SPG11: variants seen among roughly 807,000 people sequenced by gnomAD.
SPG11 encodes the protein spatacsin.
SPG11 carries 222 observed loss-of-function variants against 274.0 expected under a neutral mutation model. The ratio of observed to expected loss-of-function variants is 0.81; its 90% CI spans 0.73 to 0.91. SPG11 has a LOEUF of 0.91. Among genes scored for constraint, SPG11 ranks in the 40% least tolerant of loss-of-function variants. SPG11 has a pLI of 0.00. For missense variants in SPG11, 3,114 were observed against 2,872.7 expected, an observed-to-expected ratio of 1.08 and a Z score of -1.92; for synonymous variants, 1,144 against 1,039.7, an observed-to-expected ratio of 1.10 and a Z score of -1.93.
In SPG11 at chr15:44,651,696, G is replaced by A. The variant is rs769148135; in HGVS notation, c.1251C>T (p.His417=). ...CTATGGGTTCCTCTTGTTCACTGAT[G>A]TGCATTATTTTCCATGATCTTCCTG... ...SDPGRSWKIM[H]ISEQEEPIEL... Residue 417 remains histidine (H), a synonymous_variant, in exon 6 of 40, where the codon CAC becomes CAT. Transcript: ENST00000261866. 6.2e-7 allele frequency: 1 copy of A among 1,614,198 alleles called. No homozygotes were observed. Among genetic ancestry groups the A allele is most frequent in the Non-Finnish European group, 8.5e-7 (1 of 1,180,036 alleles).
At chr15:44,577,578 T>C (rs76452479) in intron 30 of SPG11, among the ~76,000 whole-genome samples, 2,978 of 151,168 alleles carry the variant, frequency 0.02, 110 homozygotes, top group African/African-American at 0.068. Flanking sequence ...ACTCAGACCA[T>C]GCTATTCCCC....
intron 7 of SPG11, among the ~76,000 whole-genome samples, chr15:44,643,980 G>C (rs12591118): frequency 3.9e-5 from 6 of 151,946 alleles, no homozygotes; most frequent in Admixed American, 3.9e-4. Context: ...TGGCTAACAC[G>C]GTGAAACCCT....
At chr15:44,639,314 G>A (rs1167568708) in intron 7 of SPG11, among the ~76,000 whole-genome samples, 1 of 151,370 alleles carries the variant, frequency 6.6e-6, no homozygotes, top group East Asian at 1.9e-4. Context: ...CACAGAGATG[G>A]AGAGACAGAG....
At chr15:44,576,467 T>C (rs1335473949) in intron 30 of SPG11, among the ~76,000 whole-genome samples, 1 of 151,648 alleles carries the variant, frequency 6.6e-6, no homozygotes, top group Non-Finnish European at 1.5e-5. Flanking sequence ...GCTAACACGG[T>C]GAAACCCCGT....
intron 4 of SPG11, 91 bp downstream of exon 4, chr15:44,657,004 T>C (rs544702572): frequency 1.9e-6 from 2 of 1,079,448 alleles, no homozygotes; most frequent in African/African-American, 1.6e-5. Context: ...AAAGAAACAC[T>C]AGTTAAAAAA....
At chr15:44,574,784 C>T in intron 31 of SPG11, 118 bp downstream of exon 31, 2 of 1,237,384 alleles carry the variant, frequency 1.6e-6, no homozygotes, top group Non-Finnish European at 2.4e-6. Context: ...CTGATAAGAG[C>T]TCTACTCCCA....
intron 8 of SPG11, among the ~76,000 whole-genome samples, chr15:44,632,112 A>C (rs76185363): frequency 2.0e-5 from 3 of 151,954 alleles, no homozygotes; most frequent in Admixed American, 6.6e-5. Flanking sequence ...CCTGGCCTAC[A>C]TTACTTCTTT....
intron 7 of SPG11, among the ~76,000 whole-genome samples, chr15:44,638,509 C>A (rs1016665211): frequency 6.8e-6 from 1 of 147,450 alleles, no homozygotes; most frequent in Admixed American, 6.7e-5. Context: ...AACCCCCCCC[C>A]CCAACACACA....
chr15:44,587,231 C>A (rs2082785406), intron 28 of SPG11, among the ~76,000 whole-genome samples: 1 of 152,158 alleles, frequency 6.6e-6, no homozygotes, highest in Admixed American at 6.5e-5. Flanking sequence ...CTCCCTTTCC[C>A]AAACAGTCTA....
chr15:44,656,133 G>C (rs1350320788), intron 4 of SPG11, among the ~76,000 whole-genome samples: 1 of 152,152 alleles, frequency 6.6e-6, no homozygotes, highest in Non-Finnish European at 1.5e-5. Flanking sequence ...GGAATAAAGA[G>C]ATTAATGGAG....
At position 44,615,362 on chromosome 15, in the gene SPG11, CTT is replaced by C; in HGVS notation, c.3037_3038del (p.Lys1013ThrfsTer2). 1 of 1,613,094 alleles carries C rather than the reference CTT, an allele frequency of 6.2e-7. No individual in the cohort carries two copies. Among genetic ancestry groups the C allele is most frequent in the Non-Finnish European group, 8.5e-7 (1 of 1,179,638 alleles). On this transcript the variant is annotated frameshift_variant and splice_region_variant, in exon 16 of 40. Coordinates refer to ENST00000261866, the MANE Select transcript of SPG11 (RefSeq NM_025137.4). LOFTEE classifies it high-confidence loss of function. ...HLLYVYLDCY[K>X]LSPENCPFLE... Reference sequence around the variant, plus strand: ...AGGACAAATGCATTCTCAGTACTCACTTGTAACAGTCAAGGTAGACATAAAGA... The same window carrying C: ...AGGACAAATGCATTCTCAGTACTCACGTAACAGTCAAGGTAGACATAAAGA...
Position 44,589,159 on chromosome 15 carries a change from T to C in SPG11, c.4906+93A>G, listed in dbSNP as rs565431938. On this transcript the variant is annotated intron_variant, in intron 28 of 39. Transcript: ENST00000261866. ...TTGTAGACTGTAAGTTAATGTTACA[T>C]GCATTTTAATTTCCTAACTACCCCT... 296 of 1,297,628 alleles carry C rather than the reference T, an allele frequency of 2.3e-4. 3 individuals carry two copies. The East Asian group carries it at 6.6e-3, about 29-fold the overall frequency. The allele number at this position is 1,297,628 out of a possible 1,614,324, so 80.4% of individuals were successfully genotyped here. A position where few individuals can be genotyped will look rare whatever the true frequency, so the allele number is the denominator to read the frequency against.
intron 7 of SPG11, among the ~76,000 whole-genome samples, chr15:44,636,953 A>C (rs1225811113): frequency 1.2e-4 from 16 of 128,162 alleles, no homozygotes; most frequent in East Asian, 6.3e-4. Flanking sequence ...AAAAAAAAAA[A>C]AAAACAAAAA....
In SPG11 at chr15:44,562,809, A is replaced by G; in HGVS notation, c.*312T>C. ...AAATTTCTTTGAAACTGGAATCTGC[A>G]GGTACAGGTATTCTTTAATCATTAT... On this transcript the variant is annotated 3_prime_UTR_variant, in exon 40 of 40. Transcript: ENST00000261866. The G allele has an allele frequency of 3.7e-6, 1 of 273,028 alleles. No homozygotes were observed. 16.9% of individuals were successfully genotyped at this position (273,028 alleles called of 1,614,324 possible). A position where few individuals can be genotyped will look rare whatever the true frequency, so the allele number is the denominator to read the frequency against.
At chr15:44,637,096 A>C (rs998960622) in intron 7 of SPG11, among the ~76,000 whole-genome samples, 8 of 152,088 alleles carry the variant, frequency 5.3e-5, no homozygotes, top group Non-Finnish European at 1.2e-4. Context: ...AAAACAATGC[A>C]AAATAGTAAT....
chr15:44,597,433 C>T (rs941352617), intron 23 of SPG11, among the ~76,000 whole-genome samples: 2 of 152,088 alleles, frequency 1.3e-5, no homozygotes, highest in Non-Finnish European at 2.9e-5. Context: ...ACTTTTTCAC[C>T]CATAAGGCAG....
chr15:44,564,923 A>C (rs979071190), intron 38 of SPG11, among the ~76,000 whole-genome samples: 2 of 152,254 alleles, frequency 1.3e-5, no homozygotes, highest in South Asian at 4.1e-4. Flanking sequence ...TTTTTAAAAA[A>C]GACAGGGTCT....
chr15:44,631,374 C>T (rs1231235347), intron 8 of SPG11, among the ~76,000 whole-genome samples: 2 of 152,024 alleles, frequency 1.3e-5, no homozygotes, highest in Admixed American at 6.5e-5. Flanking sequence ...ATTATAAAAC[C>T]GTATTTACAG....
chr15:44,585,941 G>A (rs2082753225), intron 28 of SPG11, 91 bp from the exon 29 acceptor site: 5 of 1,020,122 alleles, frequency 4.9e-6, no homozygotes, highest in East Asian at 2.5e-5. Context: ...GAAAATATAC[G>A]TGTTTAACAT....
Sources: allele counts gnomAD v4.1 joint callset (sites outside exome capture counted in the v4.1 genomes callset), GRCh38; gene constraint gnomAD v4.1.1; transcripts MANE v1.5; gene names NCBI Gene and HGNC (gene_info 2026-07-23, HGNC 2026-07-21).